Variants in DACT3 observed in about 807,000 individuals in gnomAD.
DACT3 encodes dapper homolog 3.
A neutral mutation model predicts 19.6 loss-of-function variants in DACT3; 5 were observed. The observed-to-expected ratio is 0.26, with a 90% CI of 0.13 to 0.54. The LOEUF (loss-of-function observed/expected upper bound fraction) is 0.54, where lower values mean the gene tolerates loss of function less well. Among genes scored for constraint, DACT3 ranks in the 20% least tolerant of loss-of-function variants. DACT3 has a pLI of 0.95. For missense variants in DACT3, 908 were observed against 927.4 expected, an observed-to-expected ratio of 0.98 and a Z score of 0.27; for synonymous variants, 454 against 428.1, an observed-to-expected ratio of 1.06 and a Z score of -0.75.
intron 3 of DACT3, 180 bp from the exon 4 acceptor site, chr19:46,650,052 G>T (rs1028083985): frequency 1.2e-5 from 8 of 691,012 alleles, no homozygotes; most frequent in East Asian, 3.6e-5. Context: ...AATCTTTACA[G>T]GGTCCTACAA....
Position 46,648,510 on chromosome 19 carries a change from C to T in DACT3, c.1862G>A (p.Gly621Asp). The change falls in exon 4 of 4, where the codon GGT (glycine) becomes GAT (aspartate). Residue 621 changes from glycine (G) to aspartate (D), a missense_variant. Gly to Asp is a moderately conservative substitution (Grantham distance 94). Coordinates refer to ENST00000391916, the MANE Select transcript of DACT3 (RefSeq NM_145056.3). This position sits in a 1 kb window ranked among gnomAD's most constrained non-coding sequence, Gnocchi z 5.1. ...LKKKILRFRS[G>D]SLKVMTTV Reference sequence around the variant, plus strand: ...CACTGTAGTCATGACCTTGAGAGAACCCGAACGGAAACGCAGTATCTTTTT... The same window carrying T: ...CACTGTAGTCATGACCTTGAGAGAATCCGAACGGAAACGCAGTATCTTTTT... The T allele has an allele frequency of 6.2e-7, 1 of 1,613,986 alleles. No individual in the cohort carries two copies. Among genetic ancestry groups the T allele is most frequent in the Non-Finnish European group, 8.5e-7 (1 of 1,179,868 alleles).
At position 46,660,066 on chromosome 19, in the gene DACT3, G is replaced by A. The variant is rs1211143765; in HGVS notation, c.249+750C>T. 6.6e-6 allele frequency among the ~76,000 whole-genome samples: 1 copy of A among 152,182 alleles called. No homozygotes were observed. Among genetic ancestry groups the A allele is most frequent in the Non-Finnish European group, 1.5e-5 (1 of 68,010 alleles). ...GGGGAGAGGCATGGGGCGTCCTCAA[G>A]TCATTCCGGAGACCTCTGCCCATCT... On this transcript the variant is annotated intron_variant, in intron 1 of 3. Coordinates refer to ENST00000391916, the MANE Select transcript of DACT3 (RefSeq NM_145056.3). This position sits in a 1 kb window ranked among gnomAD's most constrained non-coding sequence, Gnocchi z 4.9.
Position 46,649,055 on chromosome 19 carries a change from C to G in DACT3, c.1317G>C (p.Ser439=). Residue 439 remains serine (S), a synonymous_variant, in exon 4 of 4, where the codon TCG becomes TCC. Transcript: ENST00000391916. ...CCGCCGTGGGGTACTTAGGGGGCCC[C>G]GAAGGGACCGCGGAGGCGCGGCCCA... ...SLLGRASAVP[S]GPPKYPTAER... is the part of the protein sequence containing the mutation. 1 of 1,287,162 alleles carries G rather than the reference C, an allele frequency of 7.8e-7. No homozygotes were observed. The allele number at this position is 1,287,162 out of a possible 1,614,324, so 79.7% of individuals were successfully genotyped here.
At position 46,647,740 on chromosome 19, in the gene DACT3, T is replaced by C. The variant is rs919900162; in HGVS notation, c.*742A>G. ...TTTAAAAAAGAAAAAAAATACTAGA[T>C]TGGAACAGCTGAGGGTCATCAGGCT... On this transcript the variant is annotated 3_prime_UTR_variant, in exon 4 of 4. Coordinates refer to ENST00000391916, the MANE Select transcript of DACT3 (RefSeq NM_145056.3). The C allele has an allele frequency of 2.6e-5, 4 of 152,476 alleles. No homozygotes were observed. The highest frequency in any genetic ancestry group is 4.4e-5 in the Non-Finnish European group (3 of 67,992). 9.4% of individuals were successfully genotyped at this position (152,476 alleles called of 1,614,324 possible). A position where few individuals can be genotyped will look rare whatever the true frequency, so the allele number is the denominator to read the frequency against.
rs961927512 is a variant in DACT3, at chr19:46,660,840, G to C, written c.225C>G (p.Ala75=). The change falls in exon 1 of 4, where the codon GCC becomes GCG. Residue 75 remains alanine, a synonymous_variant. Coordinates refer to ENST00000391916, the MANE Select transcript of DACT3 (RefSeq NM_145056.3). The surrounding 1 kb of genome is among the most constrained non-coding windows in gnomAD (Gnocchi z 4.9). ...EDEDAAAARR[A]AAALEEQLEA... is the part of the protein sequence containing the mutation. ...CCAGCTGCTCCTCCAGGGCCGCTGC[G>C]GCCCGGCGCGCCGCCGCCGCATCTT... 6.6e-7 allele frequency: 1 copy of C among 1,517,426 alleles called. No homozygotes were observed. Among genetic ancestry groups the C allele is most frequent in the Non-Finnish European group, 8.8e-7 (1 of 1,138,604 alleles). The allele number at this position is 1,517,426 out of a possible 1,614,324, so 94.0% of individuals were successfully genotyped here. A position where few individuals can be genotyped will look rare whatever the true frequency, so the allele number is the denominator to read the frequency against.
chr19:46,653,541 T>TTATTTATTTATG (rs1235364351), intron 1 of DACT3, among the ~76,000 whole-genome samples: 1 of 148,050 alleles, frequency 6.8e-6, no homozygotes, highest in Admixed American at 6.8e-5. Context: ...TTTTTTATTT[T>TTATTTATTTATG]TATTTATTTA....
chr19:46,650,096 C>A, intron 3 of DACT3: 1 of 367,056 alleles, frequency 2.7e-6, no homozygotes. Flanking sequence ...TCTGCCTCTG[C>A]CTCTCCAACT....
intron 1 of DACT3, chr19:46,654,285 G>C (rs975033003): frequency 4.8e-6 from 4 of 831,758 alleles, no homozygotes; most frequent in Non-Finnish European, 5.8e-6. Context: ...TCAGGAGTTG[G>C]AACCAGCCTG....
chr19:46,655,182 T>G, intron 1 of DACT3: 3 of 403,178 alleles, frequency 7.4e-6, no homozygotes, highest in Non-Finnish European at 6.7e-6. Flanking sequence ...TTCCCCCACA[T>G]ACCTTCCTTG....
In DACT3 at chr19:46,649,564, T is replaced by C; in HGVS notation, c.808A>G (p.Thr270Ala). 1 of 1,072,896 alleles carries C rather than the reference T, an allele frequency of 9.3e-7. No individual in the cohort carries two copies. Among genetic ancestry groups the C allele is most frequent in the East Asian group, 8.1e-5 (1 of 12,364 alleles). The allele number at this position is 1,072,896 out of a possible 1,614,324, so 66.5% of individuals were successfully genotyped here. A position where few individuals can be genotyped will look rare whatever the true frequency, so the allele number is the denominator to read the frequency against. ...RRRRGAGQPR[T>A]SPGGADGGPR... is the part of the protein sequence containing the mutation. ...CCGCCGTCCGCGCCCCCGGGACTGG[T>C]CCGGGGCTGGCCCGCCCCCCGGCGG... Residue 270 changes from threonine (T) to alanine (A), a missense_variant, in exon 4 of 4, where the codon ACC (threonine) becomes GCC (alanine). Physicochemically the swap from Thr to Ala is moderately conservative, Grantham distance 58. This residue lies in a region of DACT3 where 656 missense variants were observed against 601.8 expected (regional missense o/e 1.09). Transcript: ENST00000391916.
intron 1 of DACT3, among the ~76,000 whole-genome samples, chr19:46,655,929 A>ACC (rs2053030316): frequency 8.0e-6 from 1 of 124,816 alleles, no homozygotes; most frequent in Non-Finnish European, 1.7e-5. Context: ...CTCTCTCTAT[A>ACC]TATATATATA....
intron 3 of DACT3, chr19:46,650,132 T>TA: frequency 4.9e-6 from 1 of 202,656 alleles, no homozygotes; most frequent in South Asian, 2.0e-4. Flanking sequence ...CCCCTATTTT[T>TA]TTTTTTTTTT....
chr19:46,659,696 G>A (rs2053060181), intron 1 of DACT3, among the ~76,000 whole-genome samples: 1 of 152,112 alleles, frequency 6.6e-6, no homozygotes, highest in Admixed American at 6.5e-5. Context: ...TCAGCGGCGG[G>A]GAGAGCCCCC....
chr19:46,649,900 AAAAAG>A lies in DACT3; in HGVS notation c.500-33_500-29del, dbSNP rs2122443567. The stretch of plus-strand genomic sequence containing the variant: ...AGGGAAGGAAGGCCAAAAAAAAAAA[AAAAAG>A]AGAGAGTGGAGGGGCTCTCAAAGTC... On this transcript the variant is annotated intron_variant, in intron 3 of 3. Coordinates refer to ENST00000391916, the MANE Select transcript of DACT3 (RefSeq NM_145056.3). The A allele has an allele frequency of 5.9e-6, 8 of 1,358,640 alleles. No homozygotes were observed. The South Asian group carries it at 6.6e-5, about 11-fold the overall frequency. 84.2% of individuals were successfully genotyped at this position (1,358,640 alleles called of 1,614,324 possible).
In DACT3 at chr19:46,648,144, T is replaced by G; in HGVS notation, c.*338A>C. 3.6e-6 allele frequency: 1 copy of G among 274,806 alleles called. No individual in the cohort carries two copies. The highest frequency in any genetic ancestry group is 6.9e-6 in the Non-Finnish European group (1 of 144,428). 17.0% of individuals were successfully genotyped at this position (274,806 alleles called of 1,614,324 possible). A position where few individuals can be genotyped will look rare whatever the true frequency, so the allele number is the denominator to read the frequency against. On this transcript the variant is annotated 3_prime_UTR_variant, in exon 4 of 4. Coordinates refer to ENST00000391916, the MANE Select transcript of DACT3 (RefSeq NM_145056.3). The surrounding 1 kb of genome is among the most constrained non-coding windows in gnomAD (Gnocchi z 5.1). ...TGGAGGGGAACAAACAGACTAGGCT[T>G]CTAAACTAAAACGGGGAAATTCAAA... is the stretch of plus-strand genomic sequence containing the variant.
In DACT3 at chr19:46,648,272, C is replaced by T. The variant is rs1231160254; in HGVS notation, c.*210G>A. ...TGCCCAAGGGCTTCCAAGCTAGAAG[C>T]TGAACTGGGTCAAACAGGGCTCCTC... On this transcript the variant is annotated 3_prime_UTR_variant, in exon 4 of 4. Transcript: ENST00000391916. The surrounding 1 kb of genome is among the most constrained non-coding windows in gnomAD (Gnocchi z 5.1). 2 of 768,810 alleles carry T rather than the reference C, an allele frequency of 2.6e-6. No individual in the cohort carries two copies. Among genetic ancestry groups the T allele is most frequent in the Non-Finnish European group, 4.1e-6 (2 of 487,972 alleles). 47.6% of individuals were successfully genotyped at this position (768,810 alleles called of 1,614,324 possible). A position where few individuals can be genotyped will look rare whatever the true frequency, so the allele number is the denominator to read the frequency against.
intron 1 of DACT3, chr19:46,654,222 C>T (rs2053014312): frequency 1.5e-5 from 15 of 985,190 alleles, no homozygotes; most frequent in African/African-American, 3.5e-5. Flanking sequence ...CGCAGTGGCT[C>T]ACGCCTGTAA....
rs1232776394 is a variant in DACT3 at position 46,648,873 on chromosome 19, G to A, written c.1499C>T (p.Pro500Leu). The A allele has an allele frequency of 3.5e-6, 5 of 1,413,182 alleles. No individual in the cohort carries two copies. Among genetic ancestry groups the A allele is most frequent in the African/African-American group, 3.1e-5 (2 of 65,528 alleles). The allele number at this position is 1,413,182 out of a possible 1,614,324, so 87.5% of individuals were successfully genotyped here. A position where few individuals can be genotyped will look rare whatever the true frequency, so the allele number is the denominator to read the frequency against. ...AGCTGACGGGGACGGGCCGGGGCCGGGAACACGCGCCGCAGGGGCTCGGGG... is the reference window on the plus strand; with the variant it reads ...AGCTGACGGGGACGGGCCGGGGCCGAGAACACGCGCCGCAGGGGCTCGGGG... ...VRPRAPAARV[P>L]GPGPSPSAPQ... is the part of the protein sequence containing the mutation. Residue 500 changes from proline to leucine, a missense_variant, in exon 4 of 4, where the codon CCC becomes CTC. Physicochemically the swap from Pro to Leu is moderately conservative, Grantham distance 98. Coordinates refer to ENST00000391916, the MANE Select transcript of DACT3 (RefSeq NM_145056.3). This position sits in a 1 kb window ranked among gnomAD's most constrained non-coding sequence, Gnocchi z 5.1.
chr19:46,656,397 G>C (rs1028067109), intron 1 of DACT3, among the ~76,000 whole-genome samples: 1 of 151,916 alleles, frequency 6.6e-6, no homozygotes, highest in East Asian at 1.9e-4. Context: ...CACCAGGCTG[G>C]ACTGCAGTGG....
Sources: allele counts gnomAD v4.1 joint callset (sites outside exome capture counted in the v4.1 genomes callset), GRCh38; gene constraint gnomAD v4.1.1; regional missense constraint gnomAD v4.1.1; non-coding constraint Gnocchi (gnomAD v3.1); transcripts MANE v1.5; gene names NCBI Gene and HGNC (gene_info 2026-07-23, HGNC 2026-07-21).